Variants in RAB38 observed in about 807,000 individuals in gnomAD.
The protein encoded by RAB38 is ras-related protein Rab-38.
RAB38 carries 15 observed loss-of-function variants against 18.4 expected under a neutral mutation model. The ratio of observed to expected loss-of-function variants is 0.82; its 90% CI spans 0.55 to 1.26. RAB38 has a LOEUF of 1.26. RAB38 is among the 50% of genes most tolerant of loss of function. RAB38 has a pLI of 0.00. For missense variants in RAB38, 294 were observed against 267.4 expected (o/e 1.10, Z -0.69); for synonymous variants, 101 against 104.4 (o/e 0.97, Z 0.20).
chr11:87,826,061 C>T, the RAB38 span, among the ~76,000 whole-genome samples: 1 of 151,976 alleles, frequency 6.6e-6, no homozygotes, highest in Non-Finnish European at 1.5e-5. Context: ...AAGTCTCTAT[C>T]CTCCATAGTA....
chr11:87,929,322 G>T, the RAB38 span, among the ~76,000 whole-genome samples: 6 of 151,354 alleles, frequency 4.0e-5, no homozygotes, highest in East Asian at 9.8e-4. Flanking sequence ...TTTAGCATGG[G>T]CATCTTTTCA....
chr11:87,819,790 ATGTG>A, the RAB38 span, among the ~76,000 whole-genome samples: 8 of 146,352 alleles, frequency 5.5e-5, no homozygotes, highest in African/African-American at 1.8e-4. Context: ...ATATGTATAT[ATGTG>A]TGTGTGTATA....
chr11:87,932,146 G>A, the RAB38 span, among the ~76,000 whole-genome samples: 1 of 152,004 alleles, frequency 6.6e-6, no homozygotes, highest in Non-Finnish European at 1.5e-5. Flanking sequence ...CAAGGGGAGG[G>A]AGAACATTAG....
chr11:88,135,456 C>T (rs1227596478), intron 2 of RAB38, among the ~76,000 whole-genome samples: 1 of 152,166 alleles, frequency 6.6e-6, no homozygotes, highest in African/African-American at 2.4e-5. Context: ...AAATAAAGTA[C>T]TTAGACCACA....
the RAB38 span, among the ~76,000 whole-genome samples, chr11:87,931,704 A>T: frequency 1.3e-5 from 2 of 152,138 alleles, no homozygotes; most frequent in African/African-American, 4.8e-5. Context: ...CAGAGAGAAT[A>T]TATGTGTTAA....
chr11:87,846,556 A>G, the RAB38 span, among the ~76,000 whole-genome samples: 1 of 151,872 alleles, frequency 6.6e-6, no homozygotes, highest in Non-Finnish European at 1.5e-5. Context: ...TATGCAGTAC[A>G]TAAATAAAAA....
chr11:87,943,386 T>G, the RAB38 span, among the ~76,000 whole-genome samples: 3 of 152,154 alleles, frequency 2.0e-5, no homozygotes, highest in Non-Finnish European at 4.4e-5. Context: ...TACATCTTTC[T>G]ACCCATCATT....
the RAB38 span, among the ~76,000 whole-genome samples, chr11:87,968,555 A>G: frequency 1.7e-4 from 19 of 113,776 alleles, no homozygotes; most frequent in African/African-American, 5.1e-4. Flanking sequence ...AAGTGTACAG[A>G]TACAGACAAT....
chr11:87,952,187 C>T, the RAB38 span, among the ~76,000 whole-genome samples: 1 of 152,044 alleles, frequency 6.6e-6, no homozygotes, highest in African/African-American at 2.4e-5. Context: ...GGGTAGGGAA[C>T]ACTCTCATCT....
intron 2 of RAB38, among the ~76,000 whole-genome samples, chr11:88,147,585 A>C (rs954855240): frequency 1.3e-5 from 2 of 151,728 alleles, no homozygotes; most frequent in African/African-American, 4.8e-5. Flanking sequence ...AAAAAAAAAA[A>C]ACAGCTAACA....
At chr11:87,900,194 C>G in the RAB38 span, among the ~76,000 whole-genome samples, 3 of 151,546 alleles carry the variant, frequency 2.0e-5, no homozygotes, top group Non-Finnish European at 3.0e-5. Context: ...GAGATTGACA[C>G]TACATAATAG....
At chr11:87,891,019 GA>G in the RAB38 span, among the ~76,000 whole-genome samples, 1 of 151,866 alleles carries the variant, frequency 6.6e-6, no homozygotes, top group East Asian at 2.0e-4. Flanking sequence ...ACACTCTCAT[GA>G]AACCAGCTCT....
chr11:88,136,232 G>A (rs555624368), intron 2 of RAB38, among the ~76,000 whole-genome samples: 4 of 152,216 alleles, frequency 2.6e-5, no homozygotes, highest in African/African-American at 7.2e-5. Flanking sequence ...TTGCCTAATG[G>A]GATATTGATT....
At chr11:87,913,874 C>G in the RAB38 span, among the ~76,000 whole-genome samples, 1 of 152,090 alleles carries the variant, frequency 6.6e-6, no homozygotes, top group Admixed American at 6.6e-5. Flanking sequence ...CCTCAGGACT[C>G]TACAGAGAGT....
At chr11:87,913,155 A>G in the RAB38 span, among the ~76,000 whole-genome samples, 36 of 151,936 alleles carry the variant, frequency 2.4e-4, no homozygotes, top group Non-Finnish European at 4.4e-4. Flanking sequence ...AAACTAATGC[A>G]TTTTCTACTA....
the RAB38 span, among the ~76,000 whole-genome samples, chr11:88,022,526 G>A: frequency 7.6e-6 from 1 of 131,930 alleles, no homozygotes; most frequent in African/African-American, 2.8e-5. Flanking sequence ...AGAAATAAAC[G>A]GCATCCAAAT....
chr11:88,150,532 A>G (rs1317608114), intron 1 of RAB38, among the ~76,000 whole-genome samples: 1 of 152,232 alleles, frequency 6.6e-6, no homozygotes, highest in Non-Finnish European at 1.5e-5. Context: ...ATTATGGAGT[A>G]TGTTTAAAAG....
the RAB38 span, among the ~76,000 whole-genome samples, chr11:87,968,286 G>A: frequency 1.3e-5 from 2 of 152,078 alleles, no homozygotes; most frequent in Non-Finnish European, 2.9e-5. Context: ...CTCAGAGGCC[G>A]TTAATTGTCC....
chr11:87,878,825 G>A, the RAB38 span, among the ~76,000 whole-genome samples: 1 of 151,704 alleles, frequency 6.6e-6, no homozygotes, highest in Non-Finnish European at 1.5e-5. Context: ...AGAGAAAAAT[G>A]TGACTTTGGC....
Sources: gnomAD v4.1 joint callset for allele counts (sites outside exome capture counted in the v4.1 genomes callset) on GRCh38, gnomAD v4.1.1 for gene constraint, MANE v1.5 for transcripts, NCBI Gene and HGNC (gene_info 2026-07-23, HGNC 2026-07-21) for gene names.